The following FMN2 variants were observed in gnomAD, a reference collection of about 807,000 sequenced individuals.
FMN2 encodes formin-2.
A neutral mutation model predicts 142.3 loss-of-function variants in FMN2; 51 were observed. The ratio of observed to expected loss-of-function variants is 0.36; its 90% CI spans 0.29 to 0.45. The LOEUF (loss-of-function observed/expected upper bound fraction) is 0.45, where lower values mean the gene tolerates loss of function less well. Among genes scored for constraint, FMN2 ranks in the 20% least tolerant of loss-of-function variants. FMN2 has a pLI of 1.00. For missense variants in FMN2, 1,936 were observed against 2,122.8 expected (o/e 0.91, Z 1.73); for synonymous variants, 882 against 869.8 (o/e 1.01, Z -0.25).
intron 15 of FMN2, among the ~76,000 whole-genome samples, chr1:240,410,540 C>A (rs959142847): frequency 6.6e-6 from 1 of 152,110 alleles, no homozygotes; most frequent in Non-Finnish European, 1.5e-5. Flanking sequence ...TTCCTCAGAT[C>A]ATCAACCAAA....
chr1:240,466,385 C>G (rs1340417879), intron 16 of FMN2, among the ~76,000 whole-genome samples: 2 of 151,966 alleles, frequency 1.3e-5, no homozygotes, highest in African/African-American at 4.8e-5. Context: ...TTTAGCTTCT[C>G]TTTAAGTTAC....
intron 7 of FMN2, among the ~76,000 whole-genome samples, chr1:240,271,070 T>C (rs1316472439): frequency 7.4e-6 from 1 of 134,534 alleles, no homozygotes; most frequent in East Asian, 2.2e-4. Flanking sequence ...AAATAACCCT[T>C]TGACCCCCCT....
At chr1:240,188,127 G>T in intron 3 of FMN2, 80 bp from the exon 4 acceptor site, 1 of 1,383,036 alleles carries the variant, frequency 7.2e-7, no homozygotes. Flanking sequence ...ATATATTTTA[G>T]TGAAAGTTTT....
chr1:240,146,385 C>G (rs71646821), intron 2 of FMN2, among the ~76,000 whole-genome samples: 62,695 of 128,074 alleles, frequency 0.49, 15,642 homozygotes, highest in Middle Eastern at 0.67. Flanking sequence ...CAGAGCAAGA[C>G]TCTGTCTCAA....
At chr1:240,369,398 A>G (rs1672789095) in intron 14 of FMN2, among the ~76,000 whole-genome samples, 1 of 152,148 alleles carries the variant, frequency 6.6e-6, no homozygotes, top group Non-Finnish European at 1.5e-5. Flanking sequence ...TTACCCCTAA[A>G]ATATAGAATT....
Position 240,093,014 on chromosome 1 carries a change from C to T in FMN2, c.905C>T (p.Ser302Phe). ...CCGTCCCCCGGCGGCCTCCCGGTCT[C>T]CGAGGCGCCCAGTCTCCCGGCAGCG... is the stretch of plus-strand genomic sequence containing the variant. The part of the protein sequence containing the change: ...QPPSPGGLPV[S>F]EAPSLPAAQP... The change falls in exon 1 of 18, where the codon TCC (serine) becomes TTC (phenylalanine). Residue 302 changes from serine to phenylalanine, a missense_variant. Around this residue, in one of 8 missense-constraint regions of FMN2, gnomAD observed 751 missense variants for 791.8 expected, o/e 0.95. Coordinates refer to ENST00000319653, the MANE Select transcript of FMN2 (RefSeq NM_020066.5). 7.2e-7 allele frequency: 1 copy of T among 1,397,078 alleles called. No individual in the cohort carries two copies. The highest frequency in any genetic ancestry group is 1.6e-5 in the South Asian group (1 of 62,836). 86.5% of individuals were successfully genotyped at this position (1,397,078 alleles called of 1,614,324 possible).
chr1:240,344,627 A>C (rs2103032734), intron 13 of FMN2, among the ~76,000 whole-genome samples: 1 of 152,292 alleles, frequency 6.6e-6, no homozygotes, highest in Non-Finnish European at 1.5e-5. Flanking sequence ...ATGAGAAGAA[A>C]ATTTTTCAAA....
intron 8 of FMN2, among the ~76,000 whole-genome samples, chr1:240,305,435 A>G (rs1373060526): frequency 6.6e-6 from 1 of 152,342 alleles, no homozygotes; most frequent in African/African-American, 2.4e-5. Flanking sequence ...ATTGTTTTGT[A>G]GTCTATAGTA....
At chr1:240,256,771 G>C (rs780468611) in intron 6 of FMN2, among the ~76,000 whole-genome samples, 1 of 150,708 alleles carries the variant, frequency 6.6e-6, no homozygotes, top group Non-Finnish European at 1.5e-5. Flanking sequence ...AACAAACAAC[G>C]ACAACAAAAA....
At chr1:240,325,631 C>T (rs1160295099) in intron 8 of FMN2, among the ~76,000 whole-genome samples, 1 of 152,172 alleles carries the variant, frequency 6.6e-6, no homozygotes, top group Non-Finnish European at 1.5e-5. Flanking sequence ...ATTTGAGTCT[C>T]CCAACACACA....
chr1:240,354,227 G>A (rs1353585183), intron 13 of FMN2, among the ~76,000 whole-genome samples: 2 of 152,068 alleles, frequency 1.3e-5, no homozygotes, highest in Non-Finnish European at 2.9e-5. Flanking sequence ...TTTCACAGTA[G>A]CCTCAGTAGG....
intron 15 of FMN2, among the ~76,000 whole-genome samples, chr1:240,411,479 G>A (rs754488143): frequency 9.9e-5 from 15 of 151,798 alleles, no homozygotes; most frequent in Non-Finnish European, 2.9e-5. Flanking sequence ...GCTGAGGCAG[G>A]AGAATCGCTT....
chr1:240,467,272 C>T (rs912196617), intron 16 of FMN2, among the ~76,000 whole-genome samples: 2 of 118,138 alleles, frequency 1.7e-5, no homozygotes, highest in African/African-American at 7.0e-5. Flanking sequence ...AAAGTTAAAT[C>T]GTTCCTTTTT....
chr1:240,184,524 T>G (rs889715129), intron 3 of FMN2, among the ~76,000 whole-genome samples: 11 of 151,196 alleles, frequency 7.3e-5, no homozygotes, highest in African/African-American at 1.9e-4. Context: ...CCTGTTTTTT[T>G]TTTTTTTTTT....
intron 16 of FMN2, among the ~76,000 whole-genome samples, chr1:240,468,037 G>T (rs192172009): frequency 7.4e-4 from 113 of 152,068 alleles, no homozygotes; most frequent in South Asian, 2.1e-3. Flanking sequence ...TTTTCCTTCT[G>T]TTATCTGGAT....
chr1:240,359,289 A>G (rs1672382998), intron 14 of FMN2, among the ~76,000 whole-genome samples: 1 of 152,230 alleles, frequency 6.6e-6, no homozygotes, highest in African/African-American at 2.4e-5. Flanking sequence ...TTAGGCTTTC[A>G]TCAATAATAG....
At chr1:240,215,897 C>T (rs1443462906) in intron 6 of FMN2, among the ~76,000 whole-genome samples, 2 of 151,970 alleles carry the variant, frequency 1.3e-5, no homozygotes, top group Non-Finnish European at 2.9e-5. Flanking sequence ...TTAGTAGAGA[C>T]GTGGTTTCGC....
chr1:240,384,275 G>T (rs372578774), intron 14 of FMN2, among the ~76,000 whole-genome samples: 4 of 152,018 alleles, frequency 2.6e-5, no homozygotes, highest in African/African-American at 9.7e-5. Context: ...TAACAAACCT[G>T]CATATGTACC....
At chr1:240,159,886 G>GTGTATATATAT (rs1558328369) in intron 2 of FMN2, among the ~76,000 whole-genome samples, 1 of 135,436 alleles carries the variant, frequency 7.4e-6, no homozygotes, top group Non-Finnish European at 1.5e-5. Flanking sequence ...TACATGGAGA[G>GTGTATATATAT]ATATATATAT....
Sources: gnomAD v4.1 joint callset for allele counts (sites outside exome capture counted in the v4.1 genomes callset) on GRCh38, gnomAD v4.1.1 for gene constraint, gnomAD v4.1.1 regional missense constraint, MANE v1.5 for transcripts, NCBI Gene and HGNC (gene_info 2026-07-23, HGNC 2026-07-21) for gene names.